The following LRTM3 variants were observed in gnomAD, a reference collection of about 807,000 sequenced individuals.
The protein encoded by LRTM3 is leucine rich repeat transmembrane protein 3.
the LRTM3 span, chr13:102,737,674 A>C: frequency 4.5e-6 from 7 of 1,547,712 alleles, no homozygotes; most frequent in South Asian, 8.3e-5. Flanking sequence ...TTTTTACTTC[A>C]TCCTCTTCTT....
At chr13:102,755,954 T>TATTTATATAC in the LRTM3 span, among the ~76,000 whole-genome samples, 8 of 22,228 alleles carry the variant, frequency 3.6e-4, no homozygotes, top group South Asian at 2.7e-3. Context: ...TATATATATA[T>TATTTATATAC]ATATATATTT....
the LRTM3 span, chr13:102,731,049 G>A: frequency 6.4e-7 from 1 of 1,551,396 alleles, no homozygotes; most frequent in East Asian, 2.4e-5. Flanking sequence ...AAGTGCATGA[G>A]GAGTTTGCCT....
the LRTM3 span, chr13:102,732,384 T>C: frequency 7.1e-6 from 11 of 1,551,430 alleles, no homozygotes; most frequent in Non-Finnish European, 8.7e-6. Flanking sequence ...ATCTGTGGAA[T>C]TGGGTGATTC....
At chr13:102,742,885 A>T in the LRTM3 span, 1 of 1,550,836 alleles carries the variant, frequency 6.4e-7, no homozygotes, top group Admixed American at 2.0e-5. Flanking sequence ...TTGATATGGC[A>T]TCATCTGTTG....
chr13:102,733,250 A>G, the LRTM3 span: 12 of 1,551,340 alleles, frequency 7.7e-6, no homozygotes, highest in Non-Finnish European at 1.0e-5. Flanking sequence ...CCAGTTGGTG[A>G]CGATACTTAT....
the LRTM3 span, chr13:102,734,840 T>A: frequency 1.9e-6 from 3 of 1,551,048 alleles, no homozygotes; most frequent in South Asian, 2.4e-5. Flanking sequence ...CTCTTCCTGA[T>A]GTTTGGGGAA....
chr13:102,730,916 G>A, the LRTM3 span: 69 of 1,551,304 alleles, frequency 4.4e-5, 1 homozygote, highest in East Asian at 7.8e-4. Context: ...TTTTGGTCCT[G>A]TGAAACCAGG....
the LRTM3 span, chr13:102,758,896 C>T: frequency 6.5e-7 from 1 of 1,545,296 alleles, no homozygotes; most frequent in Non-Finnish European, 8.8e-7. Flanking sequence ...AGTCCACTCC[C>T]TACCCCTTTT....
chr13:102,742,430 A>G, the LRTM3 span: 2 of 1,547,542 alleles, frequency 1.3e-6, no homozygotes, highest in Non-Finnish European at 1.7e-6. Flanking sequence ...TTTCTTTGGC[A>G]GGGCAAATGT....
chr13:102,731,924 T>G, the LRTM3 span: 1 of 1,549,752 alleles, frequency 6.5e-7, no homozygotes, highest in Non-Finnish European at 8.7e-7. Flanking sequence ...TAAGTCTGGT[T>G]TTTTAATGAT....
At chr13:102,734,654 G>A in the LRTM3 span, 1 of 1,550,964 alleles carries the variant, frequency 6.4e-7, no homozygotes, top group Admixed American at 2.0e-5. Flanking sequence ...ACCAACGACG[G>A]ACTCTCTATG....
chr13:102,742,754 C>T, the LRTM3 span: 1 of 1,550,624 alleles, frequency 6.4e-7, no homozygotes. Context: ...GCCATTCTGT[C>T]TTTTCATTTC....
the LRTM3 span, among the ~76,000 whole-genome samples, chr13:102,755,773 T>A: frequency 6.6e-6 from 1 of 150,916 alleles, no homozygotes; most frequent in Non-Finnish European, 1.5e-5. Context: ...TTTTTTTTTT[T>A]AGAAGGAATT....
chr13:102,740,132 T>G, the LRTM3 span: 72 of 1,548,096 alleles, frequency 4.7e-5, no homozygotes, highest in Non-Finnish European at 6.2e-5. Flanking sequence ...CTTTTGTGTT[T>G]CTATCTTCTT....
At chr13:102,733,393 C>T in the LRTM3 span, 111 of 1,551,120 alleles carry the variant, frequency 7.2e-5, no homozygotes, top group Non-Finnish European at 9.1e-5. Context: ...GAGATACTTT[C>T]GATGAAGTTT....
chr13:102,747,630 A>G, the LRTM3 span: 1 of 1,551,078 alleles, frequency 6.4e-7, no homozygotes, highest in African/African-American at 1.4e-5. Flanking sequence ...GGGACACTAT[A>G]CTCTGTTGTT....
the LRTM3 span, chr13:102,749,884 ATAAGTAG>A: frequency 6.4e-7 from 1 of 1,551,456 alleles, no homozygotes; most frequent in South Asian, 1.2e-5. Flanking sequence ...TTGAGCATTG[ATAAGTAG>A]TTCTGCTCCC....
the LRTM3 span, among the ~76,000 whole-genome samples, chr13:102,756,410 C>G: frequency 6.6e-6 from 1 of 151,274 alleles, no homozygotes; most frequent in Non-Finnish European, 1.5e-5. Context: ...CAGTGGCTCA[C>G]GACTGTAATC....
chr13:102,734,559 C>G, the LRTM3 span: 1 of 1,550,902 alleles, frequency 6.4e-7, no homozygotes, highest in South Asian at 1.2e-5. Flanking sequence ...ATATCTGTGC[C>G]TCTCATATCG....
Sources: allele counts gnomAD v4.1 joint callset (sites outside exome capture counted in the v4.1 genomes callset), GRCh38; gene constraint gnomAD v4.1.1; transcripts MANE v1.5; gene names NCBI Gene and HGNC (gene_info 2026-07-23, HGNC 2026-07-21).